Variants in TUBB observed in about 807,000 individuals in gnomAD.
The protein encoded by TUBB is tubulin beta class I.
TUBB carries 2 observed loss-of-function variants against 35.1 expected under a neutral mutation model. The observed-to-expected ratio is 0.06, with a 90% CI of 0.02 to 0.18. The LOEUF (loss-of-function observed/expected upper bound fraction) is 0.18. Among genes scored for constraint, TUBB ranks in the 10% least tolerant of loss-of-function variants. The pLI, the probability that TUBB is intolerant of heterozygous loss-of-function variation, is 1.00. For missense variants in TUBB, 50 were observed against 599.4 expected (o/e 0.08, Z 9.57); for synonymous variants, 205 against 223.8 (o/e 0.92, Z 0.75).
At chr6:30,721,576 C>T (rs947627026) in intron 1 of TUBB, 41 of 985,314 alleles carry the variant, frequency 4.2e-5, no homozygotes, top group Non-Finnish European at 4.9e-5. Context: ...TCGACCTGCG[C>T]GTGCGCCGCA....
At chr6:30,720,963 G>A (rs1223135629) in intron 1 of TUBB, among the ~76,000 whole-genome samples, 1 of 152,254 alleles carries the variant, frequency 6.6e-6, no homozygotes, top group Middle Eastern at 3.2e-3. Context: ...GGGCCAAACC[G>A]GAGCGGGAAG....
chr6:30,720,584 T>C lies in TUBB; in HGVS notation c.57+21T>C, dbSNP rs767548420. The C allele has an allele frequency of 1.1e-4, 173 of 1,600,030 alleles. 1 individual carries two copies. Among genetic ancestry groups the C allele is most frequent in the Middle Eastern group, 3.3e-4 (2 of 6,014 alleles). Reference sequence around the variant, plus strand: ...CCAAGGTAAGAATTTTACACCTCTTTTATTTCTTTTTACAAGGAAAAATCC... The same window carrying C: ...CCAAGGTAAGAATTTTACACCTCTTCTATTTCTTTTTACAAGGAAAAATCC... On this transcript the variant is annotated intron_variant, in intron 1 of 3. Coordinates refer to ENST00000327892, the MANE Select transcript of TUBB (RefSeq NM_178014.4).
At chr6:30,721,554 T>C (rs1412557680) in intron 1 of TUBB, 1 of 984,916 alleles carries the variant, frequency 1.0e-6, no homozygotes, top group Non-Finnish European at 1.2e-6. Flanking sequence ...CGCGAAGTCT[T>C]TTGTCGGCGG....
chr6:30,721,942 C>T, intron 1 of TUBB: 32 of 967,064 alleles, frequency 3.3e-5, no homozygotes, highest in Non-Finnish European at 3.7e-5. Flanking sequence ...TCGAGACCAT[C>T]CTGGGCAACA....
chr6:30,724,565 A>T lies in TUBB; in HGVS notation c.*168A>T, dbSNP rs1776513402. 1 of 599,404 alleles carries T rather than the reference A, an allele frequency of 1.7e-6. No individual in the cohort carries two copies. Among genetic ancestry groups the T allele is most frequent in the South Asian group, 2.4e-5 (1 of 41,694 alleles). 37.1% of individuals were successfully genotyped at this position (599,404 alleles called of 1,614,324 possible). ...GGCACATAGTAGGCGCTCAATAAATACTTGTTTGTTGAATGTCTCCTCTCT... is the reference window on the plus strand; with the variant it reads ...GGCACATAGTAGGCGCTCAATAAATTCTTGTTTGTTGAATGTCTCCTCTCT... On this transcript the variant is annotated 3_prime_UTR_variant, in exon 4 of 4. Transcript: ENST00000327892. This position sits in a 1 kb window ranked among gnomAD's most constrained non-coding sequence, Gnocchi z 4.4.
rs900834400 is a variant in TUBB, at chr6:30,722,416, C to T, written c.58-121C>T. 5.6e-5 allele frequency: 40 copies of T among 710,400 alleles called. No individual in the cohort carries two copies. In the East Asian group the frequency reaches 1.0e-3, roughly 18 times the overall value. The allele number at this position is 710,400 out of a possible 1,614,324, so 44.0% of individuals were successfully genotyped here. A position where few individuals can be genotyped will look rare whatever the true frequency, so the allele number is the denominator to read the frequency against. On this transcript the variant is annotated intron_variant, in intron 1 of 3. Transcript: ENST00000327892. ...CGAGATAGCGCCACTGCACTCCAGC[C>T]TGGTGACAGAGCGAGACTCCGTCTC...
Position 30,724,955 on chromosome 6 carries a change from C to G in TUBB, c.*558C>G, listed in dbSNP as rs1340677065. Reference sequence around the variant, plus strand: ...GTGTCAGCAGTATTATCTCCACTTTCAATCTCCCTCCAAGCTCTACTCTGG... The same window carrying G: ...GTGTCAGCAGTATTATCTCCACTTTGAATCTCCCTCCAAGCTCTACTCTGG... On this transcript the variant is annotated 3_prime_UTR_variant, in exon 4 of 4. Transcript: ENST00000327892. The surrounding 1 kb of genome is among the most constrained non-coding windows in gnomAD (Gnocchi z 4.4). 2.0e-5 allele frequency: 3 copies of G among 153,406 alleles called. No individual in the cohort carries two copies. Among genetic ancestry groups the G allele is most frequent in the Non-Finnish European group, 4.3e-5 (3 of 69,600 alleles). The allele number at this position is 153,406 out of a possible 1,614,324, so 9.5% of individuals were successfully genotyped here.
At chr6:30,721,961 C>A in intron 1 of TUBB, 2 of 903,930 alleles carry the variant, frequency 2.2e-6, no homozygotes, top group Non-Finnish European at 2.7e-6. Context: ...CAAAGCGAGA[C>A]CCTCCCCCAT....
rs971687747 is a variant in TUBB, at chr6:30,725,392, A to C, written c.*995A>C. Reference sequence around the variant, plus strand: ...CATATTGAAAAGATGACATCGCCCCAAGAGCCAAAAATAAATGGGAATTGA... The same window carrying C: ...CATATTGAAAAGATGACATCGCCCCCAGAGCCAAAAATAAATGGGAATTGA... On this transcript the variant is annotated 3_prime_UTR_variant, in exon 4 of 4. Coordinates refer to ENST00000327892, the MANE Select transcript of TUBB (RefSeq NM_178014.4). The C allele has an allele frequency of 2.6e-5, 4 of 152,222 alleles. No individual in the cohort carries two copies. Among genetic ancestry groups the C allele is most frequent in the Admixed American group, 2.6e-4 (4 of 15,272 alleles). 9.4% of individuals were successfully genotyped at this position (152,222 alleles called of 1,614,324 possible).
At position 30,723,627 on chromosome 6, in the gene TUBB, G is replaced by A. The variant is rs745720444; in HGVS notation, c.565G>A (p.Val189Ile). 3 of 1,614,168 alleles carry A rather than the reference G, an allele frequency of 1.9e-6. No homozygotes were observed. The highest frequency in any genetic ancestry group is 1.1e-5 in the South Asian group (1 of 91,088). ...CGAGCCCTACAATGCCACCCTCTCCGTCCATCAGTTGGTAGAGAATACTGA... is the reference window on the plus strand; with the variant it reads ...CGAGCCCTACAATGCCACCCTCTCCATCCATCAGTTGGTAGAGAATACTGA... ...VVEPYNATLS[V>I]HQLVENTDET... The change falls in exon 4 of 4, where the codon GTC (valine) becomes ATC (isoleucine). Residue 189 changes from valine (V) to isoleucine (I), a missense_variant. Physicochemically the swap from Val to Ile is conservative, Grantham distance 29 (BLOSUM62 3). This residue lies in a region of TUBB where 38 missense variants were observed against 578.9 expected (regional missense o/e 0.07). Coordinates refer to ENST00000327892, the MANE Select transcript of TUBB (RefSeq NM_178014.4).
chr6:30,720,638 G>C, intron 1 of TUBB, 75 bp downstream of exon 1: 1 of 1,351,006 alleles, frequency 7.4e-7, no homozygotes, highest in South Asian at 1.2e-5. Context: ...TGGTTGTGGG[G>C]CATTTGCACC....
At chr6:30,722,335 C>A in intron 1 of TUBB, 1 of 562,476 alleles carries the variant, frequency 1.8e-6, no homozygotes, top group South Asian at 2.1e-5. Context: ...CCCAGCTACT[C>A]CGGGGGCTGA....
intron 1 of TUBB, chr6:30,722,291 A>G (rs1320044466): frequency 2.1e-6 from 1 of 475,176 alleles, no homozygotes; most frequent in Non-Finnish European, 3.8e-6. Flanking sequence ...AAAAATACAA[A>G]AAGTAGCTGG....
chr6:30,723,485 G>T lies in TUBB; in HGVS notation c.423G>T (p.Gly141=), dbSNP rs2127749183. The T allele has an allele frequency of 2.5e-6, 4 of 1,614,170 alleles. No homozygotes were observed. Among genetic ancestry groups the T allele is most frequent in the Non-Finnish European group, 3.4e-6 (4 of 1,180,032 alleles). Residue 141 remains glycine (G), a synonymous_variant, in exon 4 of 4, where the codon GGG becomes GGT. Coordinates refer to ENST00000327892, the MANE Select transcript of TUBB (RefSeq NM_178014.4). ...QGFQLTHSLG[G]GTGSGMGTLL... The stretch of plus-strand genomic sequence containing the variant: ...TCCAGCTGACCCACTCACTGGGCGG[G>T]GGCACAGGCTCTGGAATGGGCACTC...
Position 30,724,160 on chromosome 6 carries a change from C to T in TUBB, c.1098C>T (p.Thr366=). 6.2e-7 allele frequency: 1 copy of T among 1,614,096 alleles called. No homozygotes were observed. The highest frequency in any genetic ancestry group is 1.1e-5 in the South Asian group (1 of 91,084). The change falls in exon 4 of 4, where the codon ACC becomes ACT. Residue 366 remains threonine (T), a synonymous_variant. Coordinates refer to ENST00000327892, the MANE Select transcript of TUBB (RefSeq NM_178014.4). This position sits in a 1 kb window ranked among gnomAD's most constrained non-coding sequence, Gnocchi z 4.4. The stretch of plus-strand genomic sequence containing the variant: ...CTCGTGGCCTCAAGATGGCAGTCAC[C>T]TTCATTGGCAATAGCACAGCCATCC... ...IPPRGLKMAV[T]FIGNSTAIQE...
intron 1 of TUBB, among the ~76,000 whole-genome samples, chr6:30,721,224 T>A (rs3132582): frequency 0.08 from 12,075 of 151,322 alleles, 655 homozygotes; most frequent in Non-Finnish European, 0.12. Context: ...AAAATGGGGG[T>A]GTGTGGTTTT....
intron 1 of TUBB, among the ~76,000 whole-genome samples, chr6:30,721,131 A>C (rs1485876786): frequency 6.6e-6 from 1 of 152,234 alleles, no homozygotes; most frequent in Non-Finnish European, 1.5e-5. Context: ...CCTGGGTGGA[A>C]GGAGAATAAG....
At chr6:30,722,848 C>T (rs1776384391) in intron 2 of TUBB, 70 bp from the exon 3 acceptor site, 3 of 1,366,732 alleles carry the variant, frequency 2.2e-6, no homozygotes, top group South Asian at 1.2e-5. Flanking sequence ...CCTGCTGTCT[C>T]CCATTTCCAG....
chr6:30,720,752 G>C (rs1776164646), intron 1 of TUBB, among the ~76,000 whole-genome samples, 189 bp downstream of exon 1: 1 of 152,350 alleles, frequency 6.6e-6, no homozygotes, highest in South Asian at 2.1e-4. Context: ...CATTTTTCTT[G>C]GCAGGCACAT....
Sources: gnomAD v4.1 joint callset for allele counts (sites outside exome capture counted in the v4.1 genomes callset) on GRCh38, gnomAD v4.1.1 for gene constraint, gnomAD v4.1.1 regional missense constraint, Gnocchi (gnomAD v3.1) non-coding constraint, MANE v1.5 for transcripts, NCBI Gene and HGNC (gene_info 2026-07-23, HGNC 2026-07-21) for gene names.